ABCG8: variants seen among roughly 807,000 people sequenced by gnomAD.
The protein encoded by ABCG8 is ATP-binding cassette sub-family G member 8.
A neutral mutation model predicts 71.3 loss-of-function variants in ABCG8; 81 were observed. That is an observed-to-expected ratio of 1.14 (90% CI 0.95 to 1.37). The LOEUF is 1.37. Ranked by LOEUF, ABCG8 falls within the 40% of genes most tolerant of loss-of-function variation. ABCG8 has a pLI of 0.00. For missense variants in ABCG8, 1,119 were observed against 866.2 expected (o/e 1.29, Z -3.66); for synonymous variants, 451 against 354.7 (o/e 1.27, Z -3.05).
chr2:43,867,255 G>A (rs1009818619), intron 6 of ABCG8, among the ~76,000 whole-genome samples: 11 of 151,288 alleles, frequency 7.3e-5, no homozygotes, highest in Admixed American at 6.6e-4. Context: ...TAGATGACGA[G>A]TTAGCGGGTG....
At chr2:43,846,121 G>A (rs375352582) in intron 2 of ABCG8, 34 bp from the exon 3 acceptor site, 30 of 1,611,682 alleles carry the variant, frequency 1.9e-5, no homozygotes, top group African/African-American at 2.7e-5. Flanking sequence ...GAACCATTCA[G>A]CTCTCTAAGG....
At chr2:43,871,862 C>T in intron 6 of ABCG8, 114 bp from the exon 7 acceptor site, 3 of 1,463,868 alleles carry the variant, frequency 2.0e-6, no homozygotes, top group South Asian at 2.4e-5. Flanking sequence ...GGAGAATGTC[C>T]CAGAGCCCCA....
chr2:43,872,365 C>T, intron 8 of ABCG8, 59 bp downstream of exon 8: 3 of 1,516,606 alleles, frequency 2.0e-6, no homozygotes, highest in Non-Finnish European at 2.7e-6. Context: ...TTGTATATCA[C>T]ATTAAGCCCT....
In ABCG8 at chr2:43,839,034, G is replaced by A. The variant is rs1558784889; in HGVS notation, c.-20G>A. 2 of 1,550,656 alleles carry A rather than the reference G, an allele frequency of 1.3e-6. No individual in the cohort carries two copies. Among genetic ancestry groups the A allele is most frequent in the South Asian group, 1.2e-5 (1 of 84,002 alleles). ...GGGTCTAAGAGAGCTGCAGCCCAGG[G>A]TCACAGACCTGTGGGCCCCATGGCC... On this transcript the variant is annotated 5_prime_UTR_variant, in exon 1 of 13. Coordinates refer to ENST00000272286, the MANE Select transcript of ABCG8 (RefSeq NM_022437.3).
intron 6 of ABCG8, among the ~76,000 whole-genome samples, chr2:43,865,132 G>A (rs895010698): frequency 1.4e-5 from 2 of 142,220 alleles, no homozygotes; most frequent in African/African-American, 5.3e-5. Flanking sequence ...AGAATTCTCA[G>A]CATCTGCATG....
chr2:43,869,454 T>C (rs1020299035), intron 6 of ABCG8, among the ~76,000 whole-genome samples: 2 of 152,038 alleles, frequency 1.3e-5, no homozygotes, highest in African/African-American at 4.8e-5. Flanking sequence ...TCACTATCTA[T>C]CTGGATAGAA....
rs181319879 is a variant in ABCG8, at chr2:43,846,317, G to A, written c.322+6G>A. ...GGCCATCATAGGGAGCTCAGGTACC[G>A]GAAAGGCAAATCGCTGGGCAATGGT... is the stretch of plus-strand genomic sequence containing the variant. On this transcript the variant is annotated splice_donor_region_variant and intron_variant, in intron 3 of 12. Coordinates refer to ENST00000272286, the MANE Select transcript of ABCG8 (RefSeq NM_022437.3). 259 of 1,614,140 alleles carry A rather than the reference G, an allele frequency of 1.6e-4. 1 individual carries two copies. The highest frequency in any genetic ancestry group is 8.3e-5 in the Non-Finnish European group (98 of 1,180,002).
chr2:43,877,547 C>A lies in ABCG8; in HGVS notation c.1757-14C>A, dbSNP rs759822212. ...TGAGGGACACCTGTGAGTAACGCGG[C>A]TGTCTGTCTCCAGTGCCCGCGTGGA... On this transcript the variant is annotated splice_polypyrimidine_tract_variant and intron_variant, in intron 11 of 12. Transcript: ENST00000272286. 3.7e-6 allele frequency: 6 copies of A among 1,613,476 alleles called. No homozygotes were observed. In the East Asian group the frequency reaches 1.3e-4, roughly 36 times the overall value.
At position 43,860,843 on chromosome 2, in the gene ABCG8, T is replaced by C. The variant is rs138666490; in HGVS notation, c.964+7975T>C. Among the ~76,000 whole-genome samples the C allele has an allele frequency of 1.7e-4, 25 of 151,414 alleles. No homozygotes were observed. In the East Asian group the frequency reaches 4.6e-3, roughly 28 times the overall value. On this transcript the variant is annotated intron_variant, in intron 6 of 12. Transcript: ENST00000272286. ...CTGTCTGTATAGAATTCTCACCCTCTGGATAGAACTCTAACAATCTGGATA... is the reference window on the plus strand; with the variant it reads ...CTGTCTGTATAGAATTCTCACCCTCCGGATAGAACTCTAACAATCTGGATA...
intron 1 of ABCG8, among the ~76,000 whole-genome samples, 186 bp from the exon 2 acceptor site, chr2:43,844,321 C>G (rs763898289): frequency 1.3e-5 from 2 of 152,130 alleles, no homozygotes; most frequent in Non-Finnish European, 2.9e-5. Context: ...AGGAGATGGG[C>G]CCTTGTCAGC....
rs890326605 is a variant in ABCG8, at chr2:43,878,340, C to T, written c.*427C>T. ...TTCATCTTCCAGGGGCCCCACACTCCGTGGTGAGCCACCATCAATACAGAA... is the reference window on the plus strand; with the variant it reads ...TTCATCTTCCAGGGGCCCCACACTCTGTGGTGAGCCACCATCAATACAGAA... On this transcript the variant is annotated 3_prime_UTR_variant, in exon 13 of 13. Coordinates refer to ENST00000272286, the MANE Select transcript of ABCG8 (RefSeq NM_022437.3). 1.4e-5 allele frequency: 4 copies of T among 293,156 alleles called. No individual in the cohort carries two copies. The highest frequency in any genetic ancestry group is 3.6e-5 in the South Asian group (1 of 28,138). 18.2% of individuals were successfully genotyped at this position (293,156 alleles called of 1,614,324 possible).
Position 43,880,649 on chromosome 2 carries a change from A to AGT in ABCG8, c.*2750_*2751dup, listed in dbSNP as rs143392708. ...GCTCTCTCAGTGAACAGAGTTAGGG[A>AGT]GTGTGTGTGTGTGTGCGCGCGCGCG... On this transcript the variant is annotated 3_prime_UTR_variant, in exon 13 of 13. Transcript: ENST00000272286. 0.23 allele frequency: 34,541 copies of AGT among 150,770 alleles called. 4,484 individuals carry two copies. The highest frequency in any genetic ancestry group is 0.56 in the East Asian group (2,812 of 5,010). The allele number at this position is 150,770 out of a possible 1,614,324, so 9.3% of individuals were successfully genotyped here.
chr2:43,851,535 G>T (rs777678861), intron 3 of ABCG8, 49 bp from the exon 4 acceptor site: 1 of 1,599,476 alleles, frequency 6.3e-7, no homozygotes, highest in South Asian at 1.1e-5. Context: ...CTGACAGCCT[G>T]GCCCCCACAG....
intron 8 of ABCG8, 24 bp from the exon 9 acceptor site, chr2:43,873,763 C>T (rs1374672338): frequency 1.9e-6 from 3 of 1,613,064 alleles, no homozygotes. Flanking sequence ...GTTGCCTCAG[C>T]ATCTCTTCCT....
intron 6 of ABCG8, among the ~76,000 whole-genome samples, chr2:43,857,947 G>A (rs1669170198): frequency 6.8e-6 from 1 of 146,892 alleles, no homozygotes; most frequent in African/African-American, 2.5e-5. Context: ...TCACTATCTG[G>A]GTAGATTGCT....
Position 43,878,021 on chromosome 2 carries a change from A to C in ABCG8, c.*108A>C. On this transcript the variant is annotated 3_prime_UTR_variant, in exon 13 of 13. Coordinates refer to ENST00000272286, the MANE Select transcript of ABCG8 (RefSeq NM_022437.3). ...GACAGTGAGGACAATGACCCTACAGATGCTCAGCTACATCCGGCCCAGGGT... is the reference window on the plus strand; with the variant it reads ...GACAGTGAGGACAATGACCCTACAGCTGCTCAGCTACATCCGGCCCAGGGT... The C allele has an allele frequency of 6.6e-7, 1 of 1,523,014 alleles. No individual in the cohort carries two copies. The highest frequency in any genetic ancestry group is 2.2e-4 in the Middle Eastern group (1 of 4,522). 94.3% of individuals were successfully genotyped at this position (1,523,014 alleles called of 1,614,324 possible).
intron 10 of ABCG8, 129 bp from the exon 11 acceptor site, chr2:43,875,017 C>T: frequency 7.4e-7 from 1 of 1,348,578 alleles, no homozygotes. Context: ...CCCAGCACAC[C>T]CTCCTGCCAC....
chr2:43,845,748 A>G (rs58613498), intron 2 of ABCG8, among the ~76,000 whole-genome samples: 8,224 of 152,024 alleles, frequency 0.054, 268 homozygotes, highest in Middle Eastern at 0.1. Context: ...CAGCCTCCCA[A>G]GTAGCTGGGA....
intron 10 of ABCG8, 95 bp from the exon 11 acceptor site, chr2:43,875,051 A>C: frequency 6.5e-7 from 1 of 1,545,420 alleles, no homozygotes; most frequent in Non-Finnish European, 8.9e-7. Context: ...CCAGGAGGGA[A>C]GGTTGCTATC....
Sources: gnomAD v4.1 joint callset for allele counts (sites outside exome capture counted in the v4.1 genomes callset) on GRCh38, gnomAD v4.1.1 for gene constraint, MANE v1.5 for transcripts, NCBI Gene and HGNC (gene_info 2026-07-23, HGNC 2026-07-21) for gene names.